ATXN7L1: variants seen among roughly 807,000 people sequenced by gnomAD.
ATXN7L1 encodes the protein ataxin-7-like protein 1.
In ATXN7L1, 15 loss-of-function variants were observed where a neutral mutation model predicts 70.8. The ratio of observed to expected loss-of-function variants is 0.21; its 90% CI spans 0.14 to 0.33. ATXN7L1 has a LOEUF of 0.33. Among genes scored for constraint, ATXN7L1 ranks in the 10% least tolerant of loss-of-function variants. ATXN7L1 has a pLI of 1.00. For missense variants in ATXN7L1, 975 were observed against 1,097.1 expected, an observed-to-expected ratio of 0.89 and a Z score of 1.57; for synonymous variants, 440 against 445.1, an observed-to-expected ratio of 0.99 and a Z score of 0.14.
intron 3 of ATXN7L1, among the ~76,000 whole-genome samples, chr7:105,771,668 G>C (rs1167491883): frequency 6.6e-6 from 1 of 152,162 alleles, no homozygotes; most frequent in Non-Finnish European, 1.5e-5. Flanking sequence ...TTTGGGCCAT[G>C]ATTTCAATTC....
intron 2 of ATXN7L1, among the ~76,000 whole-genome samples, chr7:105,872,925 C>T (rs1180852991): frequency 3.3e-5 from 5 of 151,712 alleles, no homozygotes; most frequent in Non-Finnish European, 4.4e-5. Context: ...GAGGCCGAGG[C>T]GGGTGGATCA....
At chr7:105,734,474 G>A (rs1462673792) in intron 3 of ATXN7L1, among the ~76,000 whole-genome samples, 1 of 152,158 alleles carries the variant, frequency 6.6e-6, no homozygotes, top group Non-Finnish European at 1.5e-5. Flanking sequence ...AGGCAGCCCA[G>A]CTCCCGTCAA....
chr7:105,737,553 G>T (rs1023710193), intron 3 of ATXN7L1, among the ~76,000 whole-genome samples: 6 of 151,582 alleles, frequency 4.0e-5, no homozygotes, highest in Non-Finnish European at 7.4e-5. Flanking sequence ...GTGTGTGTGT[G>T]TGTGTGTGTG....
At chr7:105,695,867 G>A (rs1791639002) in intron 3 of ATXN7L1, among the ~76,000 whole-genome samples, 4 of 152,212 alleles carry the variant, frequency 2.6e-5, no homozygotes, top group Admixed American at 2.0e-4. Context: ...GTTCACTGCA[G>A]GCGTTGGGCA....
chr7:105,634,460 A>G (rs969323820), intron 7 of ATXN7L1, among the ~76,000 whole-genome samples: 5 of 151,934 alleles, frequency 3.3e-5, no homozygotes, highest in Non-Finnish European at 5.9e-5. Flanking sequence ...ATGAAAGTAC[A>G]TTTCTTATTC....
At chr7:105,843,536 G>A (rs1379755459) in intron 2 of ATXN7L1, among the ~76,000 whole-genome samples, 1 of 152,220 alleles carries the variant, frequency 6.6e-6, no homozygotes, top group Non-Finnish European at 1.5e-5. Flanking sequence ...GTGGCTGAAG[G>A]CTGACTGATG....
chr7:105,783,318 A>C (rs1250948976), intron 3 of ATXN7L1, among the ~76,000 whole-genome samples: 1 of 152,216 alleles, frequency 6.6e-6, no homozygotes, highest in African/African-American at 2.4e-5. Flanking sequence ...AAACCCTTGT[A>C]ACTTCCTGAG....
chr7:105,610,567 T>A lies in ATXN7L1; in HGVS notation c.2509A>T (p.Ser837Cys), dbSNP rs1043479518. ...CCTGGGCTGGATATACTTGAAGGAC[T>A]GGATTGTGACAAAGCTAGGCTGCTA... is the stretch of plus-strand genomic sequence containing the variant. ...KNSSLALSQS[S>C]PSSISSPGHS... Residue 837 changes from serine to cysteine, a missense_variant, in exon 11 of 12, where the codon AGT becomes TGT. Ser to Cys is a moderately radical substitution (Grantham distance 112, BLOSUM62 -1). Coordinates refer to ENST00000419735, the MANE Select transcript of ATXN7L1 (RefSeq NM_020725.2). 3.9e-6 allele frequency: 6 copies of A among 1,551,408 alleles called. No homozygotes were observed. In the African/African-American group the frequency reaches 8.2e-5, roughly 21 times the overall value.
At chr7:105,802,900 A>G (rs1807029152) in intron 2 of ATXN7L1, among the ~76,000 whole-genome samples, 1 of 152,190 alleles carries the variant, frequency 6.6e-6, no homozygotes, top group African/African-American at 2.4e-5. Context: ...ACCTGTCTCT[A>G]TGGGGTTTGT....
intron 3 of ATXN7L1, among the ~76,000 whole-genome samples, chr7:105,680,298 G>C (rs1374444480): frequency 1.3e-5 from 2 of 152,150 alleles, no homozygotes; most frequent in African/African-American, 4.8e-5. Context: ...CTCCTGTGGG[G>C]ACCATCCCTT....
chr7:105,764,792 A>T (rs190351932), intron 3 of ATXN7L1, among the ~76,000 whole-genome samples: 182 of 151,794 alleles, frequency 1.2e-3, no homozygotes, highest in Non-Finnish European at 1.7e-3. Flanking sequence ...GCACATCAAA[A>T]TTTTTTTTTC....
intron 2 of ATXN7L1, among the ~76,000 whole-genome samples, chr7:105,791,576 A>G (rs1805247173): frequency 6.6e-6 from 1 of 152,176 alleles, no homozygotes; most frequent in African/African-American, 2.4e-5. Flanking sequence ...ACATATATTC[A>G]TTTTTTAAAA....
intron 2 of ATXN7L1, among the ~76,000 whole-genome samples, chr7:105,824,565 G>A (rs1224710968): frequency 6.6e-6 from 1 of 151,930 alleles, no homozygotes; most frequent in Admixed American, 6.6e-5. Flanking sequence ...TTACTAGAAG[G>A]CTTACAAGAG....
intron 3 of ATXN7L1, among the ~76,000 whole-genome samples, chr7:105,730,825 C>T (rs1429721079): frequency 5.3e-5 from 8 of 152,024 alleles, no homozygotes; most frequent in Admixed American, 3.9e-4. Flanking sequence ...AGAAAGCTAT[C>T]GTGCAAAACT....
At chr7:105,760,765 G>C (rs1563071798) in intron 3 of ATXN7L1, 1 of 175,600 alleles carries the variant, frequency 5.7e-6, no homozygotes, top group East Asian at 1.9e-4. Context: ...TGAAGGATGA[G>C]TCAGAGTTAG....
chr7:105,676,623 T>TG lies in ATXN7L1; in HGVS notation c.356-11336dup, dbSNP rs1804686744. Among the ~76,000 whole-genome samples, 3 of 152,110 alleles carry TG rather than the reference T, an allele frequency of 2.0e-5. No homozygotes were observed. In the South Asian group the frequency reaches 6.2e-4, roughly 32 times the overall value. On this transcript the variant is annotated intron_variant, in intron 3 of 11. Transcript: ENST00000419735. Reference sequence around the variant, plus strand: ...GGGAGGCCGAGGTGGGTGGACCACTTGAGGTCAGGAGTTCAAGACCAGCCT... The same window carrying TG: ...GGGAGGCCGAGGTGGGTGGACCACTTGGAGGTCAGGAGTTCAAGACCAGCCT...
At chr7:105,801,907 G>T (rs962471026) in intron 2 of ATXN7L1, among the ~76,000 whole-genome samples, 5 of 152,144 alleles carry the variant, frequency 3.3e-5, no homozygotes, top group Admixed American at 2.0e-4. Context: ...GCACACCACT[G>T]GTTCTCATTC....
chr7:105,631,719 G>A (rs1348366089), intron 7 of ATXN7L1, among the ~76,000 whole-genome samples: 1 of 152,120 alleles, frequency 6.6e-6, no homozygotes, highest in Non-Finnish European at 1.5e-5. Flanking sequence ...TGCCTCCCTG[G>A]GCCTTCCAAA....
intron 2 of ATXN7L1, among the ~76,000 whole-genome samples, chr7:105,839,859 TAAG>T (rs1812944408): frequency 6.6e-6 from 1 of 152,128 alleles, no homozygotes; most frequent in Non-Finnish European, 1.5e-5. Flanking sequence ...ACAGGTGAAA[TAAG>T]AAATAATACA....
Sources: gnomAD v4.1 joint callset for allele counts (sites outside exome capture counted in the v4.1 genomes callset) on GRCh38, gnomAD v4.1.1 for gene constraint, MANE v1.5 for transcripts, NCBI Gene and HGNC (gene_info 2026-07-23, HGNC 2026-07-21) for gene names.